Variants in SOX6 observed in about 807,000 individuals in gnomAD.
The protein encoded by SOX6 is transcription factor SOX-6.
In SOX6, 11 loss-of-function variants were observed where a neutral mutation model predicts 97.8. That is an observed-to-expected ratio of 0.11 (90% CI 0.07 to 0.19). The LOEUF (loss-of-function observed/expected upper bound fraction) is 0.19. Among genes scored for constraint, SOX6 ranks in the 10% least tolerant of loss-of-function variants. The pLI is 1.00. For synonymous variants in SOX6, 360 were observed against 371.4 expected (o/e 0.97, Z 0.35); for missense variants, 810 against 1,039.5 (o/e 0.78, Z 3.04).
chr11:16,164,001 T>C (rs1222363408), intron 6 of SOX6, among the ~76,000 whole-genome samples: 1 of 152,152 alleles, frequency 6.6e-6, no homozygotes, highest in Non-Finnish European at 1.5e-5. Context: ...TTTGTTTTGT[T>C]TTTGAGGCAA....
intron 6 of SOX6, among the ~76,000 whole-genome samples, chr11:16,121,696 T>A (rs1849493913): frequency 6.6e-6 from 1 of 152,020 alleles, no homozygotes; most frequent in South Asian, 2.1e-4. Context: ...ATTGAGAGTA[T>A]TTTTGAAAAC....
chr11:16,667,022 CA>C (rs1197295595), intron 3 of SOX6, among the ~76,000 whole-genome samples: 1 of 151,004 alleles, frequency 6.6e-6, no homozygotes, highest in African/African-American at 2.4e-5. Context: ...AGTTCAAGAC[CA>C]GTTTGGATAA....
rs556985138 is a variant in SOX6, at chr11:16,033,589, G to A, written c.1623+12925C>T. 3.3e-5 allele frequency among the ~76,000 whole-genome samples: 5 copies of A among 152,220 alleles called. No homozygotes were observed. The East Asian group carries it at 7.7e-4, about 24-fold the overall frequency. On this transcript the variant is annotated intron_variant, in intron 12 of 15. Coordinates refer to ENST00000683767, the MANE Select transcript of SOX6 (RefSeq NM_001367873.1). ...GAGTATTATTAAGATCAGAGAACTC[G>A]GCCAGGCGCAGTGGCTCACACCTGT...
At chr11:16,681,505 C>A (rs557792861) in intron 3 of SOX6, among the ~76,000 whole-genome samples, 1 of 152,190 alleles carries the variant, frequency 6.6e-6, no homozygotes, top group East Asian at 1.9e-4. Context: ...CAAGAGAAAG[C>A]AGGAAAGATC....
At chr11:16,089,875 T>C (rs1304373312) in intron 9 of SOX6, among the ~76,000 whole-genome samples, 1 of 152,130 alleles carries the variant, frequency 6.6e-6, no homozygotes, top group Non-Finnish European at 1.5e-5. Flanking sequence ...TCCTGACTTA[T>C]TCCATGGTTG....
intron 4 of SOX6, among the ~76,000 whole-genome samples, chr11:16,527,796 T>C (rs982478545): frequency 9.2e-5 from 14 of 152,042 alleles, no homozygotes; most frequent in African/African-American, 2.7e-4. Flanking sequence ...CAGAGACAAG[T>C]AGAGCCACAG....
At chr11:16,242,025 T>C (rs1853209608) in intron 3 of SOX6, among the ~76,000 whole-genome samples, 1 of 152,002 alleles carries the variant, frequency 6.6e-6, no homozygotes, top group African/African-American at 2.4e-5. Flanking sequence ...CTAAACATTA[T>C]GAAAACCATA....
At position 16,055,868 on chromosome 11, in the gene SOX6, C is replaced by G. The variant is rs36071533; in HGVS notation, c.1135G>C (p.Val379Leu). The G allele has an allele frequency of 4.3e-6, 7 of 1,613,718 alleles. No individual in the cohort carries two copies. The Admixed American group carries it at 6.7e-5, about 15-fold the overall frequency. ...GATGGCATCTTTGCTCCAGGTGACA[C>G]CTGCATGCTGGCCAGCTGAGCGGCA... ...LYAAQLASMQ[V>L]SPGAKMPSTP... is the part of the protein sequence containing the mutation. Residue 379 changes from valine (V) to leucine (L), a missense_variant, in exon 10 of 16, where the codon GTG becomes CTG. Val to Leu is a conservative substitution (Grantham distance 32, BLOSUM62 1). Around this residue, in one of 9 missense-constraint regions of SOX6, gnomAD observed 244 missense variants for 261.0 expected, o/e 0.93. Transcript: ENST00000683767.
At chr11:16,100,473 C>T (rs979158329) in intron 7 of SOX6, among the ~76,000 whole-genome samples, 2 of 151,592 alleles carry the variant, frequency 1.3e-5, no homozygotes, top group African/African-American at 2.4e-5. Context: ...GAGTACAAAA[C>T]AAAGACAAAG....
intron 3 of SOX6, among the ~76,000 whole-genome samples, chr11:16,614,601 C>G (rs1848446905): frequency 6.6e-6 from 1 of 152,202 alleles, no homozygotes; most frequent in Non-Finnish European, 1.5e-5. Context: ...TATATTCACG[C>G]CTTGCACTAA....
intron 3 of SOX6, among the ~76,000 whole-genome samples, chr11:16,282,186 A>G (rs956224307): frequency 6.6e-6 from 1 of 151,092 alleles, no homozygotes; most frequent in African/African-American, 2.4e-5. Flanking sequence ...ATGAAACTCA[A>G]ATAAAATGCC....
chr11:16,600,256 T>A (rs547408464), intron 4 of SOX6, among the ~76,000 whole-genome samples: 3 of 152,326 alleles, frequency 2.0e-5, no homozygotes, highest in Non-Finnish European at 2.9e-5. Context: ...TCACATATGG[T>A]CTCATGCACA....
At chr11:16,042,185 G>A (rs780180606) in intron 12 of SOX6, among the ~76,000 whole-genome samples, 19 of 152,150 alleles carry the variant, frequency 1.2e-4, no homozygotes, top group Non-Finnish European at 1.9e-4. Context: ...AGGGAGAACT[G>A]AGACCCAGGA....
At chr11:15,990,380 A>G (rs1854011883) in intron 13 of SOX6, among the ~76,000 whole-genome samples, 1 of 151,850 alleles carries the variant, frequency 6.6e-6, no homozygotes, top group Non-Finnish European at 1.5e-5. Context: ...TTTAACATCT[A>G]TGAAACTATG....
chr11:16,737,073 G>A (rs574399767), intron 1 of SOX6, among the ~76,000 whole-genome samples: 40 of 152,268 alleles, frequency 2.6e-4, no homozygotes, highest in South Asian at 1.5e-3. Context: ...CTGAAATCTA[G>A]GTAAGTAATA....
At chr11:16,230,307 G>T (rs944625286) in intron 4 of SOX6, among the ~76,000 whole-genome samples, 22 of 72,558 alleles carry the variant, frequency 3.0e-4, no homozygotes, top group African/African-American at 1.1e-3. Flanking sequence ...TCAAGGCAAT[G>T]AACGTATGAA....
intron 12 of SOX6, among the ~76,000 whole-genome samples, chr11:16,030,327 A>C (rs554078549): frequency 6.6e-6 from 1 of 152,332 alleles, no homozygotes; most frequent in Non-Finnish European, 1.5e-5. Flanking sequence ...ACTTTCAATT[A>C]TTTTAAAATT....
chr11:16,601,715 A>T, intron 4 of SOX6, among the ~76,000 whole-genome samples: 1 of 152,128 alleles, frequency 6.6e-6, no homozygotes, highest in East Asian at 1.9e-4. Flanking sequence ...AAAGTCACTA[A>T]TATCTTCAAT....
chr11:16,307,043 T>C (rs1402936942), intron 3 of SOX6, among the ~76,000 whole-genome samples: 1 of 152,208 alleles, frequency 6.6e-6, no homozygotes, highest in Non-Finnish European at 1.5e-5. Flanking sequence ...CCAAGTTATA[T>C]GTTTGCGCAA....
Sources: gnomAD v4.1 joint callset for allele counts (sites outside exome capture counted in the v4.1 genomes callset) on GRCh38, gnomAD v4.1.1 for gene constraint, gnomAD v4.1.1 regional missense constraint, MANE v1.5 for transcripts, NCBI Gene and HGNC (gene_info 2026-07-23, HGNC 2026-07-21) for gene names.